The following COL22A1 variants were observed in gnomAD, a reference collection of about 807,000 sequenced individuals.
COL22A1 encodes the protein collagen type XXII alpha 1 chain.
In COL22A1, 221 loss-of-function variants were observed where a neutral mutation model predicts 248.9. That is an observed-to-expected ratio of 0.89 (90% CI 0.80 to 0.99). The LOEUF (loss-of-function observed/expected upper bound fraction) is 0.99. Among genes scored for constraint, COL22A1 ranks in the 50% least tolerant of loss-of-function variants. The pLI, the probability that COL22A1 is intolerant of heterozygous loss-of-function variation, is 0.00. For missense variants in COL22A1, 2,240 were observed against 2,179.0 expected, an observed-to-expected ratio of 1.03 and a Z score of -0.56; for synonymous variants, 891 against 793.4, an observed-to-expected ratio of 1.12 and a Z score of -2.07.
chr8:138,656,140 C>T (rs1823240088), intron 44 of COL22A1, among the ~76,000 whole-genome samples, 196 bp from the exon 45 acceptor site: 1 of 152,236 alleles, frequency 6.6e-6, no homozygotes, highest in Non-Finnish European at 1.5e-5. Flanking sequence ...ACAGCAACTG[C>T]ACAGACTGCC....
At chr8:138,655,860 T>G (rs1257023354) in intron 45 of COL22A1, 37 bp downstream of exon 45, 1 of 1,559,464 alleles carries the variant, frequency 6.4e-7, no homozygotes, top group Non-Finnish European at 8.8e-7. Context: ...GCCATCACCA[T>G]TTTCAAAACA....
chr8:138,760,225 A>G lies in COL22A1; in HGVS notation c.1902+18T>C. 1 of 1,557,320 alleles carries G rather than the reference A, an allele frequency of 6.4e-7. No homozygotes were observed. Among genetic ancestry groups the G allele is most frequent in the Non-Finnish European group, 8.7e-7 (1 of 1,150,744 alleles). On this transcript the variant is annotated intron_variant, in intron 18 of 64. Transcript: ENST00000303045. ...CTGCCCAGGGCACAGAGCCCTTGAC[A>G]GCCCCAGGCTCGCTCACCTTTTCTC...
rs151147132 is a variant in COL22A1 at position 138,662,214 on chromosome 8, T to G, written c.3187-131A>C. 251 of 709,538 alleles carry G rather than the reference T, an allele frequency of 3.5e-4. 1 individual carries two copies. In the African/African-American group the frequency reaches 4.0e-3, roughly 11 times the overall value. 44.0% of individuals were successfully genotyped at this position (709,538 alleles called of 1,614,324 possible). The stretch of plus-strand genomic sequence containing the variant: ...TATGAGGAATCTGATGCAACATGTG[T>G]GCCAAAGCACCCTGCTCAGAGCTTA... On this transcript the variant is annotated intron_variant, in intron 42 of 64. Coordinates refer to ENST00000303045, the MANE Select transcript of COL22A1 (RefSeq NM_152888.3).
At chr8:138,659,966 T>C (rs1003807068) in intron 44 of COL22A1, among the ~76,000 whole-genome samples, 26 of 152,370 alleles carry the variant, frequency 1.7e-4, no homozygotes, top group African/African-American at 6.0e-4. Context: ...TGGGTGCTGC[T>C]GTTGCTCATT....
rs1346446834 is a variant in COL22A1 at position 138,685,225 on chromosome 8, C to G, written c.2950G>C (p.Gly984Arg). ...CCACTTACCGGCTCTCCATCCTTCC[C>G]TTTTCCGGGTGGCCCAGGGAGCCCA... is the stretch of plus-strand genomic sequence containing the variant. Reference protein sequence around the residue: ...APGLPGPPGKGKDGEPGLRGS... With the variant: ...APGLPGPPGKRKDGEPGLRGS... Residue 984 changes from glycine to arginine, a missense_variant, in exon 38 of 65, where the codon GGG (glycine) becomes CGG (arginine). Transcript: ENST00000303045. The G allele has an allele frequency of 1.2e-6, 2 of 1,612,864 alleles. No homozygotes were observed. The highest frequency in any genetic ancestry group is 1.7e-6 in the Non-Finnish European group (2 of 1,179,174).
chr8:138,775,317 C>T (rs1337725368), intron 16 of COL22A1, among the ~76,000 whole-genome samples: 1 of 152,144 alleles, frequency 6.6e-6, no homozygotes, highest in Non-Finnish European at 1.5e-5. Flanking sequence ...CCCACCACTC[C>T]CCAGGGGAAC....
At chr8:138,864,288 G>A (rs1046894557) in intron 3 of COL22A1, among the ~76,000 whole-genome samples, 6 of 152,054 alleles carry the variant, frequency 3.9e-5, no homozygotes, top group African/African-American at 1.4e-4. Context: ...GGCCCAGGGG[G>A]CTTTAAGGGG....
chr8:138,779,874 T>C (rs979830077), intron 13 of COL22A1, among the ~76,000 whole-genome samples: 8 of 152,186 alleles, frequency 5.3e-5, no homozygotes, highest in African/African-American at 1.9e-4. Flanking sequence ...CAAGTGATCC[T>C]TCTGCCTCAG....
intron 7 of COL22A1, among the ~76,000 whole-genome samples, chr8:138,820,606 TA>T (rs1819034338): frequency 6.6e-6 from 1 of 152,224 alleles, no homozygotes; most frequent in Non-Finnish European, 1.5e-5. Context: ...GATTATTGTT[TA>T]TTTTCCACAT....
intron 11 of COL22A1, 125 bp from the exon 12 acceptor site, chr8:138,796,982 C>T (rs551031809): frequency 2.7e-6 from 2 of 730,382 alleles, no homozygotes; most frequent in East Asian, 5.0e-5. Context: ...GCCCAGTAGC[C>T]ACTAAAAGAA....
chr8:138,769,430 G>C lies in COL22A1; in HGVS notation c.1803+6536C>G, dbSNP rs1212906181. 2.0e-5 allele frequency among the ~76,000 whole-genome samples: 3 copies of C among 152,176 alleles called. No individual in the cohort carries two copies. In the East Asian group the frequency reaches 5.8e-4, roughly 29 times the overall value. ...CTCACCCTGTGGTCTCCTTGGGAAGGGGGAAGATGGCATCTTAGGAGCTGA... is the reference window on the plus strand; with the variant it reads ...CTCACCCTGTGGTCTCCTTGGGAAGCGGGAAGATGGCATCTTAGGAGCTGA... On this transcript the variant is annotated intron_variant, in intron 16 of 64. Transcript: ENST00000303045.
At chr8:138,790,210 G>T (rs1815903414) in intron 12 of COL22A1, among the ~76,000 whole-genome samples, 1 of 152,114 alleles carries the variant, frequency 6.6e-6, no homozygotes, top group South Asian at 2.1e-4. Context: ...CTGCTTTTTG[G>T]TTCATAGATG....
chr8:138,658,910 T>C (rs1037619794), intron 44 of COL22A1, among the ~76,000 whole-genome samples: 8 of 150,120 alleles, frequency 5.3e-5, no homozygotes, highest in African/African-American at 1.8e-4. Context: ...TCTCTCTCTC[T>C]CCCCTCAGCT....
intron 31 of COL22A1, among the ~76,000 whole-genome samples, chr8:138,701,737 A>G (rs1827992319): frequency 6.6e-6 from 1 of 152,252 alleles, no homozygotes; most frequent in Non-Finnish European, 1.5e-5. Flanking sequence ...AGTAAACCAC[A>G]GAATGAAGTT....
intron 40 of COL22A1, among the ~76,000 whole-genome samples, chr8:138,677,319 A>G (rs1296183171): frequency 6.6e-6 from 1 of 152,190 alleles, no homozygotes; most frequent in Non-Finnish European, 1.5e-5. Context: ...TGCTCACTCT[A>G]TGAGATTATG....
intron 5 of COL22A1, among the ~76,000 whole-genome samples, chr8:138,832,457 A>C (rs576032154): frequency 5.7e-4 from 86 of 152,200 alleles, no homozygotes; most frequent in Non-Finnish European, 1.1e-3. Context: ...TATCATCTTT[A>C]GCCCCTGACT....
chr8:138,774,895 C>T (rs993559434), intron 16 of COL22A1, among the ~76,000 whole-genome samples: 11 of 152,114 alleles, frequency 7.2e-5, no homozygotes, highest in African/African-American at 1.4e-4. Context: ...GCAAACAGGA[C>T]GCAGCATGGA....
intron 45 of COL22A1, among the ~76,000 whole-genome samples, chr8:138,652,734 GGTTTTTTTTTTTTTT>G (rs1160328634): frequency 1.0e-3 from 47 of 45,914 alleles, no homozygotes; most frequent in African/African-American, 2.1e-3. Flanking sequence ...TTCCTTTTCT[GGTTTTTTTTTTTTTT>G]TTTTTTTTTT....
At position 138,871,975 on chromosome 8, in the gene COL22A1, T is replaced by G. The variant is rs938711826; in HGVS notation, c.658+5775A>C. On this transcript the variant is annotated intron_variant, in intron 3 of 64. Transcript: ENST00000303045. ...AGTACACCTACCAGACTAATCTCCC[T>G]GATCATGGCCACAAACCCGTCTGCA... 2.0e-5 allele frequency among the ~76,000 whole-genome samples: 3 copies of G among 152,174 alleles called. No individual in the cohort carries two copies. The East Asian group carries it at 5.8e-4, about 29-fold the overall frequency.
Sources: gnomAD v4.1 joint callset for allele counts (sites outside exome capture counted in the v4.1 genomes callset) on GRCh38, gnomAD v4.1.1 for gene constraint, MANE v1.5 for transcripts, NCBI Gene and HGNC (gene_info 2026-07-23, HGNC 2026-07-21) for gene names.